NXN: variants seen among roughly 807,000 people sequenced by gnomAD.
The protein encoded by NXN is nucleoredoxin.
Under a neutral mutation model 48.6 loss-of-function variants are expected in NXN, and 16 were observed. The ratio of observed to expected loss-of-function variants is 0.33; its 90% CI spans 0.22 to 0.50. NXN has a LOEUF of 0.50. Among genes scored for constraint, NXN ranks in the 20% least tolerant of loss-of-function variants. NXN has a pLI of 0.98. For missense variants in NXN, 492 were observed against 605.5 expected (o/e 0.81, Z 1.97); for synonymous variants, 281 against 269.6 (o/e 1.04, Z -0.41).
At chr17:929,976 A>AC (rs1201071006) in intron 1 of NXN, 1 of 151,570 alleles carries the variant, frequency 6.6e-6, no homozygotes, top group Non-Finnish European at 1.5e-5. Context: ...AAAAAAAAAA[A>AC]AAACTTTGGA....
At chr17:914,288 G>A (rs947719608) in intron 1 of NXN, among the ~76,000 whole-genome samples, 8 of 120,982 alleles carry the variant, frequency 6.6e-5, no homozygotes, top group Non-Finnish European at 1.4e-4. Flanking sequence ...GCCTACCTCA[G>A]CCTCCCAAAG....
chr17:807,134 C>CA (rs1911598952), intron 5 of NXN, among the ~76,000 whole-genome samples: 1 of 152,178 alleles, frequency 6.6e-6, no homozygotes, highest in African/African-American at 2.4e-5. Context: ...CCATGAGGCT[C>CA]GGGGGCTGGT....
At chr17:934,158 C>T (rs969133104) in intron 1 of NXN, among the ~76,000 whole-genome samples, 1 of 151,636 alleles carries the variant, frequency 6.6e-6, no homozygotes, top group African/African-American at 2.4e-5. Flanking sequence ...TCCCAGCACC[C>T]CGGGAGGCCG....
chr17:854,374 A>T lies in NXN; in HGVS notation c.361-28296T>A, dbSNP rs868471268. On this transcript the variant is annotated intron_variant, in intron 1 of 7. Coordinates refer to ENST00000336868, the MANE Select transcript of NXN (RefSeq NM_022463.5). ...TTAAGAGTTTAAAATTTCAGCCGGG[A>T]GCGGTGGCTCACGCCTGTCATCCCA... 2.0e-5 allele frequency among the ~76,000 whole-genome samples: 3 copies of T among 149,812 alleles called. No individual in the cohort carries two copies. In the East Asian group the frequency reaches 6.0e-4, roughly 30 times the overall value.
At chr17:871,344 A>G (rs1397130506) in intron 1 of NXN, among the ~76,000 whole-genome samples, 1 of 150,454 alleles carries the variant, frequency 6.6e-6, no homozygotes, top group Non-Finnish European at 1.5e-5. Context: ...AATATCACTT[A>G]GTGAAGTTAG....
At chr17:977,083 C>T (rs1706256054) in intron 1 of NXN, among the ~76,000 whole-genome samples, 1 of 152,092 alleles carries the variant, frequency 6.6e-6, no homozygotes, top group Non-Finnish European at 1.5e-5. Flanking sequence ...CTTTTAAAAT[C>T]AGCACGTAGC....
intron 1 of NXN, among the ~76,000 whole-genome samples, chr17:870,573 T>A (rs1597679778): frequency 6.6e-6 from 1 of 151,594 alleles, no homozygotes; most frequent in African/African-American, 2.4e-5. Flanking sequence ...TGACACCCTG[T>A]CTCTACAAAA....
rs934696318 is a variant in NXN at position 958,053 on chromosome 17, A to C, written c.360+21266T>G. ...CATCCTCTCGCTCCATCCTATACTT[A>C]GGCGCCTCGGCAGGATCAAATGAAC... On this transcript the variant is annotated intron_variant, in intron 1 of 7. Transcript: ENST00000336868. This position sits in a 1 kb window ranked among gnomAD's most constrained non-coding sequence, Gnocchi z 6.9. Among the ~76,000 whole-genome samples the C allele has an allele frequency of 1.3e-5, 2 of 152,170 alleles. No homozygotes were observed. Among genetic ancestry groups the C allele is most frequent in the African/African-American group, 4.8e-5 (2 of 41,524 alleles).
At chr17:947,134 G>A (rs1428357220) in intron 1 of NXN, among the ~76,000 whole-genome samples, 1 of 152,086 alleles carries the variant, frequency 6.6e-6, no homozygotes, top group Non-Finnish European at 1.5e-5. Context: ...CACCGGCAGC[G>A]TCCCCCTCGG....
Position 805,183 on chromosome 17 carries a change from C to A in NXN, c.885G>T (p.Glu295Asp). The A allele has an allele frequency of 6.2e-7, 1 of 1,609,354 alleles. No homozygotes were observed. Among genetic ancestry groups the A allele is most frequent in the Non-Finnish European group, 8.5e-7 (1 of 1,178,510 alleles). ...CCCGGCAGTCCTCGTCGTTCAGCAC[C>A]TCCACCCGCCCCTGCCGCGTGATCA... ...GEVITRQGRV[E>D]VLNDEDCREF... Residue 295 changes from glutamate to aspartate, a missense_variant, in exon 6 of 8, where the codon GAG becomes GAT. This residue lies in a region of NXN where 303 missense variants were observed against 388.3 expected (regional missense o/e 0.78). Transcript: ENST00000336868.
chr17:848,986 G>A (rs556094927), intron 1 of NXN, among the ~76,000 whole-genome samples: 1 of 152,312 alleles, frequency 6.6e-6, no homozygotes, highest in African/African-American at 2.4e-5. Flanking sequence ...AAACCTACCA[G>A]GCATTTGTGC....
In NXN at chr17:849,818, G is replaced by A. The variant is rs768532720; in HGVS notation, c.361-23740C>T. 6.6e-6 allele frequency among the ~76,000 whole-genome samples: 1 copy of A among 152,184 alleles called. No homozygotes were observed. The highest frequency in any genetic ancestry group is 1.5e-5 in the Non-Finnish European group (1 of 68,030). ...GCCTTGCTGGGCCAGGGACAGCAGA[G>A]AGAAATGGAGCTGACGGAGAGGAGG... On this transcript the variant is annotated intron_variant, in intron 1 of 7. Coordinates refer to ENST00000336868, the MANE Select transcript of NXN (RefSeq NM_022463.5). The surrounding 1 kb of genome is among the most constrained non-coding windows in gnomAD (Gnocchi z 4.2).
chr17:947,883 C>CAAAAAAAA (rs71145800), intron 1 of NXN, among the ~76,000 whole-genome samples: 5 of 119,252 alleles, frequency 4.2e-5, no homozygotes, highest in Non-Finnish European at 8.3e-5. Context: ...TACTGAAATA[C>CAAAAAAAA]AAAAAAAAAA....
At chr17:805,020 T>TCCCCCCCCCCCCCCCC in intron 6 of NXN, 48 bp downstream of exon 6, 4 of 1,512,874 alleles carry the variant, frequency 2.6e-6, no homozygotes, top group East Asian at 2.5e-5. Context: ...GCCCCTCCTG[T>TCCCCCCCCCCCCCCCC]CCCGCCCCCC....
In NXN at chr17:836,414, C is replaced by T. The variant is rs184643640; in HGVS notation, c.361-10336G>A. Among the ~76,000 whole-genome samples, 264 of 152,302 alleles carry T rather than the reference C, an allele frequency of 1.7e-3. 1 individual carries two copies. The highest frequency in any genetic ancestry group is 5.8e-3 in the African/African-American group (242 of 41,568). On this transcript the variant is annotated intron_variant, in intron 1 of 7. Transcript: ENST00000336868. The stretch of plus-strand genomic sequence containing the variant: ...GTCACCCCTGCCCTCCAGCCAAATG[C>T]CGACCACAATCAAAACCATCCTTTC...
At chr17:903,247 C>A (rs1178016235) in intron 1 of NXN, among the ~76,000 whole-genome samples, 1 of 152,136 alleles carries the variant, frequency 6.6e-6, no homozygotes, top group African/African-American at 2.4e-5. Context: ...ACTCGGTCAC[C>A]CAGGCTGGAG....
At chr17:940,318 T>C (rs888661828) in intron 1 of NXN, among the ~76,000 whole-genome samples, 7 of 151,790 alleles carry the variant, frequency 4.6e-5, no homozygotes, top group African/African-American at 1.7e-4. Flanking sequence ...GGTCTCAAAC[T>C]CCTGGGCTCA....
intron 1 of NXN, among the ~76,000 whole-genome samples, chr17:899,586 A>C (rs2144894057): frequency 6.6e-6 from 1 of 152,346 alleles, no homozygotes; most frequent in South Asian, 2.1e-4. Flanking sequence ...ATCGTCAGGA[A>C]TTAGCGCTGA....
intron 1 of NXN, among the ~76,000 whole-genome samples, chr17:924,919 C>T (rs1436592961): frequency 2.0e-5 from 3 of 152,238 alleles, no homozygotes; most frequent in African/African-American, 7.2e-5. Context: ...GAGCTGGAGA[C>T]AGGCCTGGGT....
Sources: allele counts gnomAD v4.1 joint callset (sites outside exome capture counted in the v4.1 genomes callset), GRCh38; gene constraint gnomAD v4.1.1; regional missense constraint gnomAD v4.1.1; non-coding constraint Gnocchi (gnomAD v3.1); transcripts MANE v1.5; gene names NCBI Gene and HGNC (gene_info 2026-07-23, HGNC 2026-07-21).